Variants in EPHA6 observed in about 807,000 individuals in gnomAD.
EPHA6 encodes EPH receptor A6.
In EPHA6, 50 loss-of-function variants were observed where a neutral mutation model predicts 112.0. That is an observed-to-expected ratio of 0.45 (90% CI 0.36 to 0.56). The LOEUF (loss-of-function observed/expected upper bound fraction) is 0.56. EPHA6 is among the 20% of genes least tolerant of loss of function. The pLI is 0.00. For synonymous variants in EPHA6, 529 were observed against 490.7 expected (o/e 1.08, Z -1.03); for missense variants, 1,280 against 1,417.4 (o/e 0.90, Z 1.56).
chr3:96,858,818 G>A (rs1168721643), intron 1 of EPHA6, among the ~76,000 whole-genome samples: 5 of 152,080 alleles, frequency 3.3e-5, no homozygotes, highest in African/African-American at 9.7e-5. Flanking sequence ...TTGGGGCCAA[G>A]CTGGAGCAGA....
chr3:97,027,301 T>A (rs952930168), intron 3 of EPHA6, among the ~76,000 whole-genome samples: 10 of 152,032 alleles, frequency 6.6e-5, no homozygotes, highest in African/African-American at 2.4e-4. Flanking sequence ...GGTGGAGGGT[T>A]AGAGGAGGGA....
chr3:97,050,793 G>T (rs1295371134), intron 3 of EPHA6, among the ~76,000 whole-genome samples: 1 of 151,956 alleles, frequency 6.6e-6, no homozygotes, highest in Admixed American at 6.6e-5. Flanking sequence ...CTAAATAATT[G>T]CTGTTCTTTT....
intron 14 of EPHA6, among the ~76,000 whole-genome samples, chr3:97,708,034 G>C (rs1055030501): frequency 2.0e-5 from 3 of 152,226 alleles, no homozygotes; most frequent in African/African-American, 4.8e-5. Flanking sequence ...TTGGTGCCAA[G>C]AGTGGGGTAC....
At chr3:97,226,222 T>A (rs781132680) in intron 3 of EPHA6, 42 bp from the exon 4 acceptor site, 1 of 1,529,970 alleles carries the variant, frequency 6.5e-7, no homozygotes, top group East Asian at 2.3e-5. Flanking sequence ...AAAAGAATCC[T>A]AGCAATAATA....
intron 12 of EPHA6, among the ~76,000 whole-genome samples, chr3:97,593,351 C>T (rs2093561578): frequency 6.6e-6 from 1 of 152,042 alleles, no homozygotes; most frequent in Admixed American, 6.6e-5. Flanking sequence ...GCAGGTTATC[C>T]ATGGCATGAT....
At chr3:97,545,839 T>A (rs978240161) in intron 11 of EPHA6, among the ~76,000 whole-genome samples, 49 of 152,212 alleles carry the variant, frequency 3.2e-4, no homozygotes, top group African/African-American at 1.1e-3. Context: ...TTTTCTCCTT[T>A]GATCTTTGTT....
chr3:97,414,276 T>G (rs2087947094), intron 6 of EPHA6, among the ~76,000 whole-genome samples: 1 of 152,168 alleles, frequency 6.6e-6, no homozygotes, highest in African/African-American at 2.4e-5. Context: ...AAGGCATGGC[T>G]AAACACTGAG....
At chr3:97,306,141 A>G (rs932975706) in intron 5 of EPHA6, among the ~76,000 whole-genome samples, 5 of 151,900 alleles carry the variant, frequency 3.3e-5, no homozygotes, top group Non-Finnish European at 5.9e-5. Context: ...GCTGATGGCA[A>G]TGTGAATTGA....
At chr3:96,898,857 G>A (rs1448211435) in intron 2 of EPHA6, among the ~76,000 whole-genome samples, 2 of 151,442 alleles carry the variant, frequency 1.3e-5, no homozygotes, top group African/African-American at 4.9e-5. Flanking sequence ...GTGAAACCCC[G>A]TCTCTACTAA....
chr3:97,279,258 T>TA (rs1434595097), intron 5 of EPHA6, among the ~76,000 whole-genome samples: 2 of 152,130 alleles, frequency 1.3e-5, no homozygotes, highest in Non-Finnish European at 2.9e-5. Context: ...CTATTGATAT[T>TA]AAAAAATTAA....
intron 3 of EPHA6, among the ~76,000 whole-genome samples, chr3:97,138,701 A>G (rs1438077400): frequency 6.6e-6 from 1 of 152,184 alleles, no homozygotes; most frequent in Admixed American, 6.5e-5. Flanking sequence ...CCACTGTCCA[A>G]ATACAGAAAA....
In EPHA6 at chr3:96,976,589, C is replaced by T. The variant is rs184633096; in HGVS notation, c.451-10741C>T. Among the ~76,000 whole-genome samples the T allele has an allele frequency of 2.0e-5, 3 of 152,130 alleles. No homozygotes were observed. In the East Asian group the frequency reaches 5.8e-4, roughly 29 times the overall value. On this transcript the variant is annotated intron_variant, in intron 2 of 17. Transcript: ENST00000389672. ...CTCTCTTTGCTATTAAAAAATAATT[C>T]CAGTAATCTTACAGTCCAAATTGGA... is the stretch of plus-strand genomic sequence containing the variant.
At chr3:96,956,101 G>T (rs975727999) in intron 2 of EPHA6, among the ~76,000 whole-genome samples, 2 of 141,786 alleles carry the variant, frequency 1.4e-5, no homozygotes, top group Admixed American at 7.1e-5. Context: ...AAATGTTGCA[G>T]TGTAAAAAGA....
chr3:97,605,706 G>A (rs2093675817), intron 12 of EPHA6, among the ~76,000 whole-genome samples: 1 of 151,558 alleles, frequency 6.6e-6, no homozygotes, highest in African/African-American at 2.4e-5. Context: ...TGTTCTCTTT[G>A]CTTACAATTG....
At chr3:97,489,880 G>A in intron 10 of EPHA6, among the ~76,000 whole-genome samples, 1 of 152,018 alleles carries the variant, frequency 6.6e-6, no homozygotes, top group Non-Finnish European at 1.5e-5. Context: ...GGAATTAGTA[G>A]ATTTACTGTC....
chr3:97,031,443 A>G (rs986841360), intron 3 of EPHA6, among the ~76,000 whole-genome samples: 1 of 152,156 alleles, frequency 6.6e-6, no homozygotes, highest in Non-Finnish European at 1.5e-5. Context: ...AAAATTGACA[A>G]ATGGGATCTA....
chr3:96,917,899 A>G (rs973964869), intron 2 of EPHA6, among the ~76,000 whole-genome samples: 1 of 152,178 alleles, frequency 6.6e-6, no homozygotes, highest in African/African-American at 2.4e-5. Context: ...ATAGCAATGG[A>G]TCCTAACCAA....
At chr3:97,277,048 G>A (rs187251398) in intron 5 of EPHA6, among the ~76,000 whole-genome samples, 404 of 152,234 alleles carry the variant, frequency 2.7e-3, no homozygotes, top group Middle Eastern at 0.01. Context: ...GCCTGGGGAG[G>A]AGGGGAAAGG....
At chr3:97,689,858 T>C (rs1214593438) in intron 14 of EPHA6, among the ~76,000 whole-genome samples, 1 of 152,206 alleles carries the variant, frequency 6.6e-6, no homozygotes, top group Non-Finnish European at 1.5e-5. Context: ...TGTTTTCTGA[T>C]GGTGGACAAA....
Sources: allele counts gnomAD v4.1 joint callset (sites outside exome capture counted in the v4.1 genomes callset), GRCh38; gene constraint gnomAD v4.1.1; transcripts MANE v1.5; gene names NCBI Gene and HGNC (gene_info 2026-07-23, HGNC 2026-07-21).